PNPLA7: variants seen among roughly 807,000 people sequenced by gnomAD.
The protein encoded by PNPLA7 is patatin-like phospholipase domain-containing protein 7.
PNPLA7 carries 153 observed loss-of-function variants against 161.7 expected under a neutral mutation model. The observed-to-expected ratio is 0.95, with a 90% CI of 0.83 to 1.08. The LOEUF (loss-of-function observed/expected upper bound fraction) is 1.08, where lower values mean the gene tolerates loss of function less well. PNPLA7 is among the 50% of genes least tolerant of loss of function. PNPLA7 has a pLI of 0.00. For missense variants in PNPLA7, 1,739 were observed against 1,856.6 expected (o/e 0.94, Z 1.16); for synonymous variants, 809 against 782.1 (o/e 1.03, Z -0.57).
intron 25 of PNPLA7, among the ~76,000 whole-genome samples, chr9:137,477,053 C>T (rs746070285): frequency 4.6e-5 from 7 of 152,196 alleles, no homozygotes; most frequent in Admixed American, 2.6e-4. Flanking sequence ...GAGGGGCTGC[C>T]GGAGAGGCCC....
At position 137,468,651 on chromosome 9, in the gene PNPLA7, G is replaced by A. The variant is rs1383977146; in HGVS notation, c.2883-1178C>T. On this transcript the variant is annotated intron_variant, in intron 25 of 34. Transcript: ENST00000406427. This position sits in a 1 kb window ranked among gnomAD's most constrained non-coding sequence, Gnocchi z 4.0. ...CCGGTGGGAGGTAACTGGATCATGGGGGCAGATTTGAGGTGGGAAGACGTC... is the reference window on the plus strand; with the variant it reads ...CCGGTGGGAGGTAACTGGATCATGGAGGCAGATTTGAGGTGGGAAGACGTC... 6.6e-6 allele frequency among the ~76,000 whole-genome samples: 1 copy of A among 151,966 alleles called. No individual in the cohort carries two copies. The highest frequency in any genetic ancestry group is 1.5e-5 in the Non-Finnish European group (1 of 67,988).
intron 19 of PNPLA7, 41 bp from the exon 20 acceptor site, chr9:137,493,123 C>G: frequency 6.3e-7 from 1 of 1,594,108 alleles, no homozygotes; most frequent in South Asian, 1.1e-5. Context: ...ACGTTTTAAA[C>G]TGAGAAACAC....
intron 4 of PNPLA7, 85 bp downstream of exon 4, chr9:137,546,745 G>A: frequency 8.5e-6 from 11 of 1,293,356 alleles, no homozygotes; most frequent in Non-Finnish European, 1.2e-5. Context: ...GCCCAGCCTG[G>A]GGGAGCCCAC....
rs1386124511 is a variant in PNPLA7, at chr9:137,460,632, A to G, written c.3945+2T>C. 26 of 1,611,486 alleles carry G rather than the reference A, an allele frequency of 1.6e-5. No homozygotes were observed. The highest frequency in any genetic ancestry group is 4.5e-5 in the East Asian group (2 of 44,870). ...CAGGTGGGACCATGCCCAGCTCCTCACCAAGTCTGAGCCCTGCTGGGCTGA... is the reference window on the plus strand; with the variant it reads ...CAGGTGGGACCATGCCCAGCTCCTCGCCAAGTCTGAGCCCTGCTGGGCTGA... On this transcript the variant is annotated splice_donor_variant, in intron 34 of 34. Transcript: ENST00000406427. LOFTEE classifies it high-confidence loss of function.
At chr9:137,515,328 T>A in intron 12 of PNPLA7, 51 bp downstream of exon 12, 3 of 1,574,492 alleles carry the variant, frequency 1.9e-6, no homozygotes, top group Non-Finnish European at 1.7e-6. Flanking sequence ...GGGTCTCAGA[T>A]GCCGAGGGCC....
At chr9:137,480,862 C>G in intron 22 of PNPLA7, 98 bp downstream of exon 22, 1 of 1,280,680 alleles carries the variant, frequency 7.8e-7, no homozygotes, top group Non-Finnish European at 1.1e-6. Flanking sequence ...ACGAGGAGCA[C>G]GCTGCAGTGC....
chr9:137,548,492 G>A (rs147205077), intron 1 of PNPLA7, among the ~76,000 whole-genome samples: 17 of 152,366 alleles, frequency 1.1e-4, no homozygotes, highest in African/African-American at 3.8e-4. Flanking sequence ...GCTCACGCCT[G>A]CAATCCCAGC....
rs1835940653 is a variant in PNPLA7, at chr9:137,537,182, G to T, written c.747+3460C>A. 6.6e-6 allele frequency among the ~76,000 whole-genome samples: 1 copy of T among 152,214 alleles called. No individual in the cohort carries two copies. The highest frequency in any genetic ancestry group is 2.4e-5 in the African/African-American group (1 of 41,444). On this transcript the variant is annotated intron_variant, in intron 8 of 34. Coordinates refer to ENST00000406427, the MANE Select transcript of PNPLA7 (RefSeq NM_001098537.3). This position sits in a 1 kb window ranked among gnomAD's most constrained non-coding sequence, Gnocchi z 4.5. ...TGATAAAACTTTAAGTATGTTTTTA[G>T]AATCTGTCCATGTTATTTTGCAAGA...
chr9:137,505,835 T>G, intron 13 of PNPLA7, 75 bp from the exon 14 acceptor site: 1 of 1,579,660 alleles, frequency 6.3e-7, no homozygotes, highest in Non-Finnish European at 8.7e-7. Flanking sequence ...TGGTCAGGTC[T>G]GAATCGCACA....
At position 137,460,634 on chromosome 9, in the gene PNPLA7, C is replaced by A; in HGVS notation, c.3945G>T (p.Leu1315Phe). ...QSTSAQQGSD[L>F]EDESSLRHRH... ...GGTGGGACCATGCCCAGCTCCTCAC[C>A]AAGTCTGAGCCCTGCTGGGCTGAGG... Residue 1315 changes from leucine to phenylalanine, a missense_variant and splice_region_variant, in exon 34 of 35, where the codon TTG (leucine) becomes TTT (phenylalanine). By Grantham distance (22) the Leu-to-Phe change is conservative. Around this residue, in one of 6 missense-constraint regions of PNPLA7, gnomAD observed 703 missense variants for 694.6 expected, o/e 1.01. Transcript: ENST00000406427. 6.2e-7 allele frequency: 1 copy of A among 1,611,690 alleles called. No homozygotes were observed. The highest frequency in any genetic ancestry group is 8.5e-7 in the Non-Finnish European group (1 of 1,179,302).
In PNPLA7 at chr9:137,480,957, C is replaced by T. The variant is rs200007443; in HGVS notation, c.2411+3G>A. ...GGAAGGAGTCGGGGCTGGCGGCACG[C>T]ACCTGTCCAGGGCAGCGGAGCCAAG... is the stretch of plus-strand genomic sequence containing the variant. On this transcript the variant is annotated splice_donor_region_variant and intron_variant, in intron 22 of 34. Transcript: ENST00000406427. 470 of 1,551,470 alleles carry T rather than the reference C, an allele frequency of 3.0e-4. 4 individuals carry two copies. The East Asian group carries it at 0.011, about 36-fold the overall frequency.
chr9:137,533,117 CT>C (rs1300868039), intron 8 of PNPLA7, among the ~76,000 whole-genome samples: 1 of 151,508 alleles, frequency 6.6e-6, no homozygotes, highest in East Asian at 1.9e-4. Flanking sequence ...GGGAGCACCC[CT>C]AGACTCCTCC....
chr9:137,515,047 A>G (rs918727292), intron 12 of PNPLA7, among the ~76,000 whole-genome samples: 20 of 152,138 alleles, frequency 1.3e-4, no homozygotes, highest in Non-Finnish European at 4.4e-5. Flanking sequence ...CCCGGGACAC[A>G]AGGCAGGAGA....
At chr9:137,497,849 G>A (rs1274431759) in intron 17 of PNPLA7, among the ~76,000 whole-genome samples, 1 of 152,242 alleles carries the variant, frequency 6.6e-6, no homozygotes, top group African/African-American at 2.4e-5. Context: ...TTAAAGGGAC[G>A]GTGTGGACTT....
Position 137,537,980 on chromosome 9 carries a change from C to G in PNPLA7, c.747+2662G>C, listed in dbSNP as rs931863618. ...AGACCAAAGCTCCTGTGGTCCTTTC[C>G]CAGTTTTTCTCAGGCCCACAGGTGC... On this transcript the variant is annotated intron_variant, in intron 8 of 34. Transcript: ENST00000406427. The surrounding 1 kb of genome is among the most constrained non-coding windows in gnomAD (Gnocchi z 4.5). Among the ~76,000 whole-genome samples, 3 of 152,290 alleles carry G rather than the reference C, an allele frequency of 2.0e-5. No individual in the cohort carries two copies. The highest frequency in any genetic ancestry group is 4.8e-5 in the African/African-American group (2 of 41,530).
chr9:137,471,159 A>C (rs1015330482), intron 25 of PNPLA7, among the ~76,000 whole-genome samples: 6 of 151,944 alleles, frequency 3.9e-5, no homozygotes, highest in African/African-American at 1.4e-4. Context: ...AGAAAATTTA[A>C]CTATGTGTCT....
At chr9:137,505,467 C>A in intron 14 of PNPLA7, 147 bp downstream of exon 14, 1 of 952,452 alleles carries the variant, frequency 1.0e-6, no homozygotes, top group Non-Finnish European at 1.5e-6. Flanking sequence ...AAGGGGACCC[C>A]AAAAGACAAG....
In PNPLA7 at chr9:137,506,035, G is replaced by T; in HGVS notation, c.1274C>A (p.Ala425Asp). 6.2e-7 allele frequency: 1 copy of T among 1,613,086 alleles called. No homozygotes were observed. The highest frequency in any genetic ancestry group is 8.5e-7 in the Non-Finnish European group (1 of 1,179,818). The change falls in exon 13 of 35, where the codon GCC becomes GAC. Residue 425 changes from alanine to aspartate, a missense_variant. By Grantham distance (126) the Ala-to-Asp change is moderately radical. Around this residue, in one of 6 missense-constraint regions of PNPLA7, gnomAD observed 481 missense variants for 450.0 expected, o/e 1.07. Coordinates refer to ENST00000406427, the MANE Select transcript of PNPLA7 (RefSeq NM_001098537.3). Reference sequence around the variant, plus strand: ...CTCGTCCGAGTGCAGGAAGACCCTGGCACGGTCACATGCCATCCCCAGATC... The same window carrying T: ...CTCGTCCGAGTGCAGGAAGACCCTGTCACGGTCACATGCCATCCCCAGATC... ...TSDLGMACDR[A>D]RVFLHSDEHP...
intron 13 of PNPLA7, 86 bp from the exon 14 acceptor site, chr9:137,505,846 G>C: frequency 6.4e-7 from 1 of 1,563,336 alleles, no homozygotes; most frequent in Non-Finnish European, 8.7e-7. Context: ...GAATCGCACA[G>C]TGCGGAAAGG....
Sources: allele counts gnomAD v4.1 joint callset (sites outside exome capture counted in the v4.1 genomes callset), GRCh38; gene constraint gnomAD v4.1.1; regional missense constraint gnomAD v4.1.1; non-coding constraint Gnocchi (gnomAD v3.1); transcripts MANE v1.5; gene names NCBI Gene and HGNC (gene_info 2026-07-23, HGNC 2026-07-21).